Variants in BTBD9 observed in about 807,000 individuals in gnomAD.
BTBD9 encodes BTB/POZ domain-containing protein 9.
Under a neutral mutation model 64.3 loss-of-function variants are expected in BTBD9, and 49 were observed. That is an observed-to-expected ratio of 0.76 (90% CI 0.61 to 0.97). BTBD9 has a LOEUF of 0.97. Ranked by LOEUF, BTBD9 falls within the 50% of genes least tolerant of loss-of-function variation. BTBD9 has a pLI of 0.00. For synonymous variants in BTBD9, 260 were observed against 274.7 expected (o/e 0.95, Z 0.53); for missense variants, 598 against 762.1 (o/e 0.78, Z 2.53).
At chr6:38,602,986 T>G (rs750513862) in intron 1 of BTBD9, among the ~76,000 whole-genome samples, 1 of 152,160 alleles carries the variant, frequency 6.6e-6, no homozygotes, top group Non-Finnish European at 1.5e-5. Context: ...TGACTTTTTC[T>G]AGACTTAAGG....
At chr6:38,422,386 A>G (rs1271816936) in intron 6 of BTBD9, among the ~76,000 whole-genome samples, 1 of 152,122 alleles carries the variant, frequency 6.6e-6, no homozygotes, top group African/African-American at 2.4e-5. Context: ...TAATCTTTAT[A>G]CTTTATACAT....
In BTBD9 at chr6:38,533,890, T is replaced by C. The variant is rs182115851; in HGVS notation, c.1154+43710A>G. 1.9e-4 allele frequency among the ~76,000 whole-genome samples: 29 copies of C among 152,024 alleles called. No individual in the cohort carries two copies. The East Asian group carries it at 4.3e-3, about 22-fold the overall frequency. On this transcript the variant is annotated intron_variant, in intron 6 of 10. Coordinates refer to ENST00000481247, the MANE Select transcript of BTBD9 (RefSeq NM_001099272.2). ...AACCTATGGGATTCAATGAAAGCAGTAGTAGGAGGAAAGTTTATAGCTGTA... is the reference window on the plus strand; with the variant it reads ...AACCTATGGGATTCAATGAAAGCAGCAGTAGGAGGAAAGTTTATAGCTGTA...
intron 6 of BTBD9, among the ~76,000 whole-genome samples, chr6:38,434,293 T>A (rs796991924): frequency 1.3e-4 from 20 of 152,078 alleles, no homozygotes; most frequent in African/African-American, 4.8e-4. Flanking sequence ...ACATTCGTCA[T>A]CTGTTGTCTC....
At chr6:38,639,543 G>GT (rs1484676628) in intron 1 of BTBD9, among the ~76,000 whole-genome samples, 1 of 152,132 alleles carries the variant, frequency 6.6e-6, no homozygotes, top group Non-Finnish European at 1.5e-5. Flanking sequence ...TGGGAGGCTG[G>GT]TAGAGCCACC....
chr6:38,367,287 A>AT (rs1411848370), intron 6 of BTBD9, among the ~76,000 whole-genome samples: 1 of 152,202 alleles, frequency 6.6e-6, no homozygotes, highest in East Asian at 1.9e-4. Flanking sequence ...CAACACATAA[A>AT]AGAATTAAGA....
At chr6:38,599,828 G>T (rs546443158) in intron 1 of BTBD9, among the ~76,000 whole-genome samples, 1 of 152,188 alleles carries the variant, frequency 6.6e-6, no homozygotes, top group Non-Finnish European at 1.5e-5. Flanking sequence ...ACCCTCAAAA[G>T]GGGGAGCAAT....
At chr6:38,490,526 G>C (rs1771658626) in intron 6 of BTBD9, among the ~76,000 whole-genome samples, 1 of 151,976 alleles carries the variant, frequency 6.6e-6, no homozygotes, top group South Asian at 2.1e-4. Flanking sequence ...TCCCACGTTG[G>C]CCAGGCTGAT....
intron 6 of BTBD9, among the ~76,000 whole-genome samples, chr6:38,377,285 C>A (rs947691839): frequency 6.6e-6 from 1 of 152,120 alleles, no homozygotes. Context: ...GAAACCATGT[C>A]GGTCACAGCA....
intron 9 of BTBD9, among the ~76,000 whole-genome samples, chr6:38,230,860 C>T (rs1763582910): frequency 6.6e-6 from 1 of 152,202 alleles, no homozygotes; most frequent in Non-Finnish European, 1.5e-5. Context: ...CCTAAAGTAG[C>T]TGCTTCTTGC....
chr6:38,530,765 G>C (rs918913278), intron 6 of BTBD9, among the ~76,000 whole-genome samples: 1 of 152,060 alleles, frequency 6.6e-6, no homozygotes, highest in Admixed American at 6.5e-5. Flanking sequence ...AATTCTACCA[G>C]ATAAATTTAA....
At chr6:38,399,246 C>T (rs1020358952) in intron 6 of BTBD9, among the ~76,000 whole-genome samples, 1 of 152,160 alleles carries the variant, frequency 6.6e-6, no homozygotes, top group African/African-American at 2.4e-5. Context: ...GCACCCAATA[C>T]TACCTAGATT....
Position 38,345,099 on chromosome 6 carries a change from G to T in BTBD9, c.1155-6C>A. On this transcript the variant is annotated splice_polypyrimidine_tract_variant and splice_region_variant and intron_variant, in intron 6 of 10. Coordinates refer to ENST00000481247, the MANE Select transcript of BTBD9 (RefSeq NM_001099272.2). ...TCCCAACAATTCGAATATACCTGAC[G>T]GTAAAAAGAAAAGAAAATGTGTTGA... 1 of 1,567,536 alleles carries T rather than the reference G, an allele frequency of 6.4e-7. No homozygotes were observed. The highest frequency in any genetic ancestry group is 8.7e-7 in the Non-Finnish European group (1 of 1,145,526).
intron 9 of BTBD9, among the ~76,000 whole-genome samples, chr6:38,232,317 C>G (rs1332359712): frequency 1.3e-5 from 2 of 151,438 alleles, no homozygotes; most frequent in Non-Finnish European, 1.5e-5. Context: ...GTTGCCCAGG[C>G]TGGAGTGCAG....
intron 6 of BTBD9, among the ~76,000 whole-genome samples, chr6:38,427,119 C>A (rs1768198579): frequency 6.6e-6 from 1 of 151,614 alleles, no homozygotes; most frequent in South Asian, 2.1e-4. Context: ...ACCACTGTAC[C>A]TCTATCCCTT....
At chr6:38,591,556 G>A (rs972019421) in intron 4 of BTBD9, among the ~76,000 whole-genome samples, 3 of 152,204 alleles carry the variant, frequency 2.0e-5, no homozygotes, top group Non-Finnish European at 4.4e-5. Context: ...GCATAGTTTA[G>A]TGGTTAATTA....
intron 9 of BTBD9, among the ~76,000 whole-genome samples, chr6:38,196,615 G>C (rs780785337): frequency 7.9e-5 from 12 of 152,198 alleles, no homozygotes; most frequent in Non-Finnish European, 1.6e-4. Context: ...CTTGTGCATG[G>C]CACCGGCTGG....
intron 6 of BTBD9, among the ~76,000 whole-genome samples, chr6:38,525,310 ATG>A (rs1773439703): frequency 6.6e-6 from 1 of 152,150 alleles, no homozygotes; most frequent in African/African-American, 2.4e-5. Flanking sequence ...CCCTTCTGCC[ATG>A]ATTGTAAGTT....
At chr6:38,289,906 G>A (rs1344999559) in intron 7 of BTBD9, among the ~76,000 whole-genome samples, 4 of 151,996 alleles carry the variant, frequency 2.6e-5, no homozygotes, top group East Asian at 1.9e-4. Context: ...TTTTCTGCAC[G>A]TTTAAAACAA....
At chr6:38,257,982 T>C (rs746734664) in intron 8 of BTBD9, among the ~76,000 whole-genome samples, 2 of 151,118 alleles carry the variant, frequency 1.3e-5, no homozygotes, top group Non-Finnish European at 2.9e-5. Context: ...AAAAAAAAAA[T>C]ATATATGTAT....
Sources: gnomAD v4.1 joint callset for allele counts (sites outside exome capture counted in the v4.1 genomes callset) on GRCh38, gnomAD v4.1.1 for gene constraint, MANE v1.5 for transcripts, NCBI Gene and HGNC (gene_info 2026-07-23, HGNC 2026-07-21) for gene names.